ADAMTSL1: variants seen among roughly 807,000 people sequenced by gnomAD.
ADAMTSL1 encodes ADAMTS like 1.
Under a neutral mutation model 201.8 loss-of-function variants are expected in ADAMTSL1, and 126 were observed. The ratio of observed to expected loss-of-function variants is 0.62; its 90% CI spans 0.54 to 0.72. The LOEUF (loss-of-function observed/expected upper bound fraction) is 0.72. Among genes scored for constraint, ADAMTSL1 ranks in the 30% least tolerant of loss-of-function variants. ADAMTSL1 has a pLI of 0.00. For missense variants in ADAMTSL1, 2,679 were observed against 2,277.8 expected, an observed-to-expected ratio of 1.18 and a Z score of -3.59; for synonymous variants, 1,121 against 903.4, an observed-to-expected ratio of 1.24 and a Z score of -4.32.
intron 2 of ADAMTSL1, among the ~76,000 whole-genome samples, chr9:18,522,602 C>T (rs192988083): frequency 6.9e-6 from 1 of 145,692 alleles, no homozygotes; most frequent in East Asian, 2.0e-4. Context: ...CCCCACACCC[C>T]ATGACAGGCC....
At chr9:18,417,422 T>A (rs1818735841) in intron 2 of ADAMTSL1, among the ~76,000 whole-genome samples, 1 of 141,940 alleles carries the variant, frequency 7.0e-6, no homozygotes, top group African/African-American at 2.6e-5. Context: ...TAATTTAAAT[T>A]GAAAAACAAT....
At chr9:18,824,417 C>T (rs1824403952) in intron 21 of ADAMTSL1, among the ~76,000 whole-genome samples, 1 of 152,176 alleles carries the variant, frequency 6.6e-6, no homozygotes, top group African/African-American at 2.4e-5. Context: ...GTGCCTCTCT[C>T]TGATGTGACA....
chr9:18,321,445 T>C (rs949599720), intron 2 of ADAMTSL1, among the ~76,000 whole-genome samples: 4 of 152,228 alleles, frequency 2.6e-5, no homozygotes, highest in African/African-American at 9.6e-5. Flanking sequence ...TTATCAACAC[T>C]GTCAATCACC....
chr9:18,780,263 T>TGAGGAG (rs1821314981), intron 19 of ADAMTSL1, among the ~76,000 whole-genome samples: 1 of 152,312 alleles, frequency 6.6e-6, no homozygotes, highest in Admixed American at 6.5e-5. Flanking sequence ...CTTCATTTCA[T>TGAGGAG]AAATGAGGAG....
At chr9:18,306,429 G>A (rs748522274) in intron 2 of ADAMTSL1, among the ~76,000 whole-genome samples, 8 of 152,196 alleles carry the variant, frequency 5.3e-5, no homozygotes, top group African/African-American at 1.9e-4. Context: ...CCCAATGCAA[G>A]GAAGCTAAGA....
At chr9:18,895,216 G>A (rs1169627510) in intron 26 of ADAMTSL1, among the ~76,000 whole-genome samples, 2 of 152,122 alleles carry the variant, frequency 1.3e-5, no homozygotes, top group Admixed American at 6.6e-5. Context: ...GTGTAGTCAA[G>A]GGACATTAGC....
At chr9:18,738,208 T>A (rs1334114698) in intron 15 of ADAMTSL1, among the ~76,000 whole-genome samples, 1 of 152,162 alleles carries the variant, frequency 6.6e-6, no homozygotes, top group Non-Finnish European at 1.5e-5. Flanking sequence ...AAGAAAGGAT[T>A]TTCTTACAGC....
intron 2 of ADAMTSL1, among the ~76,000 whole-genome samples, chr9:18,372,519 G>A (rs1387166951): frequency 1.3e-5 from 2 of 152,120 alleles, no homozygotes; most frequent in African/African-American, 4.8e-5. Flanking sequence ...GCTTCCCCAA[G>A]GTCTTAATAA....
chr9:18,678,225 A>T (rs576624725), intron 10 of ADAMTSL1, among the ~76,000 whole-genome samples: 1 of 152,280 alleles, frequency 6.6e-6, no homozygotes, highest in South Asian at 2.1e-4. Flanking sequence ...AAGCCAAAAG[A>T]GGCTAAATGT....
intron 2 of ADAMTSL1, among the ~76,000 whole-genome samples, chr9:18,314,647 G>C (rs1834292092): frequency 6.6e-6 from 1 of 151,996 alleles, no homozygotes; most frequent in South Asian, 2.1e-4. Context: ...TTTGCGGTGA[G>C]TGTTACAGCT....
At chr9:18,310,277 G>A (rs1416004135) in intron 2 of ADAMTSL1, among the ~76,000 whole-genome samples, 1 of 144,988 alleles carries the variant, frequency 6.9e-6, no homozygotes, top group Non-Finnish European at 1.5e-5. Flanking sequence ...ATAGGCATGG[G>A]CAAACACTTC....
chr9:18,063,860 G>A (rs1277227306), intron 1 of ADAMTSL1, among the ~76,000 whole-genome samples: 1 of 152,214 alleles, frequency 6.6e-6, no homozygotes, highest in South Asian at 2.1e-4. Context: ...TCTTGCTGTT[G>A]CAGAGACGTT....
chr9:18,685,808 A>G (rs189709553), intron 13 of ADAMTSL1, among the ~76,000 whole-genome samples: 169 of 152,350 alleles, frequency 1.1e-3, no homozygotes, highest in Non-Finnish European at 1.9e-3. Flanking sequence ...TGCACAAGAA[A>G]TCCAAAATAT....
chr9:18,881,595 C>A (rs568925583), intron 23 of ADAMTSL1, among the ~76,000 whole-genome samples: 1 of 152,010 alleles, frequency 6.6e-6, no homozygotes, highest in Non-Finnish European at 1.5e-5. Context: ...CACACATAAC[C>A]GTAACAGATA....
chr9:18,745,459 C>A (rs1819085480), intron 15 of ADAMTSL1, among the ~76,000 whole-genome samples: 1 of 152,176 alleles, frequency 6.6e-6, no homozygotes, highest in Non-Finnish European at 1.5e-5. Context: ...TCTCAATTTT[C>A]TGGTACAACA....
chr9:18,853,187 G>A (rs139549390), intron 23 of ADAMTSL1, among the ~76,000 whole-genome samples: 88 of 152,308 alleles, frequency 5.8e-4, no homozygotes, highest in Non-Finnish European at 9.6e-4. Context: ...GCCAAGACAG[G>A]AACATAGGTG....
At chr9:18,123,950 C>T (rs12001799) in intron 1 of ADAMTSL1, among the ~76,000 whole-genome samples, 6,123 of 152,146 alleles carry the variant, frequency 0.04, 417 homozygotes, top group African/African-American at 0.14. Context: ...ACATTCTTGC[C>T]AGGACTTATT....
intron 2 of ADAMTSL1, among the ~76,000 whole-genome samples, chr9:18,434,777 C>G (rs1372123567): frequency 6.6e-6 from 1 of 152,204 alleles, no homozygotes; most frequent in Non-Finnish European, 1.5e-5. Flanking sequence ...CTGGCTGAAT[C>G]TACCTCTCCC....
chr9:18,050,992 C>G (rs1821907773), intron 1 of ADAMTSL1, among the ~76,000 whole-genome samples: 1 of 152,170 alleles, frequency 6.6e-6, no homozygotes, highest in Non-Finnish European at 1.5e-5. Context: ...AATCACTTTA[C>G]TTAGTCCTTA....
Sources: gnomAD v4.1 joint callset for allele counts (sites outside exome capture counted in the v4.1 genomes callset) on GRCh38, gnomAD v4.1.1 for gene constraint, MANE v1.5 for transcripts, NCBI Gene and HGNC (gene_info 2026-07-23, HGNC 2026-07-21) for gene names.